Variants in DLGAP2 observed in about 807,000 individuals in gnomAD.
DLGAP2 encodes DLG associated protein 2.
DLGAP2 carries 26 observed loss-of-function variants against 100.3 expected under a neutral mutation model. The observed-to-expected ratio is 0.26, with a 90% CI of 0.19 to 0.36. The LOEUF is 0.36. Ranked by LOEUF, DLGAP2 falls within the 10% of genes least tolerant of loss-of-function variation. DLGAP2 has a pLI of 1.00. For missense variants in DLGAP2, 1,858 were observed against 1,453.2 expected (o/e 1.28, Z -4.53); for synonymous variants, 886 against 630.1 (o/e 1.41, Z -6.08).
intron 8 of DLGAP2, among the ~76,000 whole-genome samples, chr8:1,649,321 T>C (rs756921353): frequency 4.7e-5 from 7 of 150,340 alleles, no homozygotes; most frequent in Non-Finnish European, 8.9e-5. Flanking sequence ...ACCCAGTGTG[T>C]AAATTCTTTT....
At chr8:777,840 C>T (rs1288762036) in intron 1 of DLGAP2, among the ~76,000 whole-genome samples, 2 of 152,066 alleles carry the variant, frequency 1.3e-5, no homozygotes, top group South Asian at 2.1e-4. Context: ...TGGAGTTGCT[C>T]TTCTCGAGGA....
intron 13 of DLGAP2, among the ~76,000 whole-genome samples, chr8:1,694,986 C>T (rs1799345760): frequency 6.6e-6 from 1 of 152,212 alleles, no homozygotes; most frequent in African/African-American, 2.4e-5. Flanking sequence ...GCCCGTCCGG[C>T]CCCAGCATGT....
intron 1 of DLGAP2, among the ~76,000 whole-genome samples, chr8:841,904 A>G (rs1415694799): frequency 6.6e-6 from 1 of 152,218 alleles, no homozygotes; most frequent in East Asian, 1.9e-4. Flanking sequence ...AGCACAGGAT[A>G]TAATAGAGTT....
At chr8:1,447,524 C>G (rs1196339963) in intron 3 of DLGAP2, among the ~76,000 whole-genome samples, 2 of 152,206 alleles carry the variant, frequency 1.3e-5, no homozygotes, top group Admixed American at 6.5e-5. Context: ...CAATGCTCAT[C>G]AAGGATATTG....
In DLGAP2 at chr8:1,111,269, G is replaced by A. The variant is rs146989039; in HGVS notation, c.74-147582G>A. On this transcript the variant is annotated intron_variant, in intron 2 of 14. Transcript: ENST00000637795. ...CGCTCCCAGAGTGATGGCAGAAATC[G>A]TCTTCCCTCAGCTCCCGGAAGACCC... Among the ~76,000 whole-genome samples, 307 of 152,300 alleles carry A rather than the reference G, an allele frequency of 2.0e-3. 1 individual carries two copies. The highest frequency in any genetic ancestry group is 4.8e-3 in the Admixed American group (74 of 15,290).
At chr8:944,196 T>A (rs954750428) in intron 2 of DLGAP2, among the ~76,000 whole-genome samples, 4 of 152,202 alleles carry the variant, frequency 2.6e-5, no homozygotes, top group African/African-American at 9.6e-5. Context: ...AACCCGTCCC[T>A]GTGAGTGATT....
chr8:938,361 T>G, intron 2 of DLGAP2, among the ~76,000 whole-genome samples: 1 of 152,122 alleles, frequency 6.6e-6, no homozygotes, highest in East Asian at 1.9e-4. Flanking sequence ...CATGCCTGGC[T>G]GATTTTTAAA....
intron 2 of DLGAP2, among the ~76,000 whole-genome samples, chr8:1,223,359 G>A (rs545199213): frequency 1.3e-5 from 2 of 152,330 alleles, no homozygotes; most frequent in East Asian, 1.9e-4. Context: ...TGTGCATGGA[G>A]CCAGCCATCT....
intron 1 of DLGAP2, among the ~76,000 whole-genome samples, chr8:819,841 G>A (rs1247491013): frequency 6.6e-6 from 1 of 152,202 alleles, no homozygotes; most frequent in Non-Finnish European, 1.5e-5. Context: ...TGGAAATGTG[G>A]CACTTCATGG....
At chr8:914,360 C>T (rs901697678) in intron 2 of DLGAP2, among the ~76,000 whole-genome samples, 9 of 152,214 alleles carry the variant, frequency 5.9e-5, no homozygotes, top group Non-Finnish European at 8.8e-5. Flanking sequence ...AAAAAAGCCA[C>T]GTTCCTCATA....
intron 3 of DLGAP2, among the ~76,000 whole-genome samples, chr8:1,308,823 C>A (rs1800549724): frequency 1.3e-5 from 2 of 152,150 alleles, no homozygotes; most frequent in Non-Finnish European, 2.9e-5. Context: ...CCGTGCCTGG[C>A]CCTAAATAAT....
intron 2 of DLGAP2, among the ~76,000 whole-genome samples, chr8:915,114 T>C (rs573970181): frequency 4.6e-5 from 7 of 152,204 alleles, no homozygotes; most frequent in African/African-American, 1.7e-4. Context: ...AAGCCTCCCA[T>C]TGGGAGACTC....
intron 2 of DLGAP2, among the ~76,000 whole-genome samples, chr8:1,037,955 G>A (rs1033353898): frequency 6.6e-6 from 1 of 152,206 alleles, no homozygotes; most frequent in Non-Finnish European, 1.5e-5. Context: ...GAACCTCTGC[G>A]CTAAGCTGAG....
At chr8:1,456,212 C>T (rs1179768204) in intron 3 of DLGAP2, among the ~76,000 whole-genome samples, 1 of 152,146 alleles carries the variant, frequency 6.6e-6, no homozygotes, top group Non-Finnish European at 1.5e-5. Flanking sequence ...AACAGGACGC[C>T]CTAGTCTCTC....
intron 3 of DLGAP2, among the ~76,000 whole-genome samples, chr8:1,417,728 C>CGGGG (rs1563134362): frequency 4.1e-4 from 4 of 9,722 alleles, no homozygotes; most frequent in Admixed American, 1.1e-3. Flanking sequence ...AGGCTCCAGA[C>CGGGG]ACAGAAGCCC....
At chr8:1,667,404 G>A (rs1798571888) in intron 8 of DLGAP2, among the ~76,000 whole-genome samples, 1 of 152,142 alleles carries the variant, frequency 6.6e-6, no homozygotes, top group Non-Finnish European at 1.5e-5. Context: ...AGTTTGGGAG[G>A]AGACTGGCTG....
intron 2 of DLGAP2, among the ~76,000 whole-genome samples, chr8:1,217,450 T>C (rs1452393923): frequency 2.6e-5 from 4 of 152,214 alleles, no homozygotes; most frequent in Non-Finnish European, 5.9e-5. Flanking sequence ...GTAGAATGAT[T>C]TATATTCTAT....
chr8:960,235 A>ATTTTTTTTTTTTTTTTTTT (rs1209692955), intron 2 of DLGAP2, among the ~76,000 whole-genome samples: 17 of 8,320 alleles, frequency 2.0e-3, no homozygotes, highest in Non-Finnish European at 3.0e-3. Context: ...CCTGAAGTAT[A>ATTTTTTTTTTTTTTTTTTT]TCTTTTTTTT....
chr8:1,147,480 TTGAA>T (rs1455875492), intron 2 of DLGAP2, among the ~76,000 whole-genome samples: 1 of 152,090 alleles, frequency 6.6e-6, no homozygotes, highest in African/African-American at 2.4e-5. Flanking sequence ...AATTCATAAA[TTGAA>T]TTTCATTTAA....
Sources: gnomAD v4.1 joint callset for allele counts (sites outside exome capture counted in the v4.1 genomes callset) on GRCh38, gnomAD v4.1.1 for gene constraint, MANE v1.5 for transcripts, NCBI Gene and HGNC (gene_info 2026-07-23, HGNC 2026-07-21) for gene names.